ENTREP2: variants seen among roughly 807,000 people sequenced by gnomAD.
ENTREP2 encodes the protein protein ENTREP2.
the ENTREP2 span, among the ~76,000 whole-genome samples, chr15:29,660,379 C>A: frequency 3.3e-5 from 5 of 152,292 alleles, no homozygotes; most frequent in African/African-American, 1.2e-4. Flanking sequence ...TGCCCTTCTG[C>A]TGTCCATCCT....
chr15:29,402,815 T>A, the ENTREP2 span, among the ~76,000 whole-genome samples: 1 of 152,196 alleles, frequency 6.6e-6, no homozygotes, highest in East Asian at 1.9e-4. Flanking sequence ...ATTTTTCTGT[T>A]TCCCATGGTT....
the ENTREP2 span, among the ~76,000 whole-genome samples, chr15:29,159,254 T>TAAGGCGGCGTG: frequency 6.6e-6 from 1 of 151,884 alleles, no homozygotes; most frequent in African/African-American, 2.4e-5. Flanking sequence ...TTACAGCTCT[T>TAAGGCGGCGTG]AAGGCGGCGT....
chr15:29,178,204 G>T, the ENTREP2 span, among the ~76,000 whole-genome samples: 4 of 151,296 alleles, frequency 2.6e-5, no homozygotes, highest in African/African-American at 7.3e-5. Context: ...TGAGGCAGGA[G>T]GATGGCTGGA....
chr15:29,282,399 T>C, the ENTREP2 span, among the ~76,000 whole-genome samples: 1 of 152,184 alleles, frequency 6.6e-6, no homozygotes, highest in Admixed American at 6.5e-5. Flanking sequence ...TCTTTTTCTT[T>C]ATAAATTACC....
At chr15:29,589,120 G>T in the ENTREP2 span, among the ~76,000 whole-genome samples, 4 of 152,190 alleles carry the variant, frequency 2.6e-5, no homozygotes, top group African/African-American at 9.6e-5. Flanking sequence ...TACTTTGAAA[G>T]AGAAGGAAGA....
the ENTREP2 span, among the ~76,000 whole-genome samples, chr15:29,490,652 T>C: frequency 6.6e-6 from 1 of 152,218 alleles, no homozygotes; most frequent in Non-Finnish European, 1.5e-5. Context: ...GTAAAAGTTC[T>C]CCAAGTCCCC....
the ENTREP2 span, among the ~76,000 whole-genome samples, chr15:29,311,116 G>A: frequency 6.6e-6 from 1 of 152,096 alleles, no homozygotes; most frequent in African/African-American, 2.4e-5. Flanking sequence ...GCTTTGTGAT[G>A]AGAGACCTGT....
chr15:29,593,804 G>C, the ENTREP2 span, among the ~76,000 whole-genome samples: 117 of 152,320 alleles, frequency 7.7e-4, 1 homozygote, highest in East Asian at 0.018. Context: ...GGCTGTTATG[G>C]AAGGGTGTGG....
At chr15:29,269,478 G>C in the ENTREP2 span, 338 of 1,611,446 alleles carry the variant, frequency 2.1e-4, 1 homozygote, top group South Asian at 4.2e-4. Flanking sequence ...TGGGCCCCAC[G>C]GCGGGGGCGG....
the ENTREP2 span, among the ~76,000 whole-genome samples, chr15:29,486,423 G>A: frequency 1.3e-5 from 2 of 152,184 alleles, no homozygotes; most frequent in African/African-American, 4.8e-5. Flanking sequence ...GGGCACAGTG[G>A]CGCACGCCTG....
chr15:29,403,538 C>T, the ENTREP2 span, among the ~76,000 whole-genome samples: 3 of 152,154 alleles, frequency 2.0e-5, no homozygotes, highest in Non-Finnish European at 4.4e-5. Context: ...AATTCACAGA[C>T]TCACATCAAC....
chr15:29,123,712 A>C, the ENTREP2 span: 2 of 1,475,468 alleles, frequency 1.4e-6, no homozygotes, highest in Non-Finnish European at 1.8e-6. Context: ...AAGTTAACTC[A>C]AAAGCAAAGA....
At chr15:29,290,590 T>C in the ENTREP2 span, among the ~76,000 whole-genome samples, 2 of 152,234 alleles carry the variant, frequency 1.3e-5, no homozygotes, top group South Asian at 2.1e-4. Context: ...TTCACTGTTA[T>C]ATCCGTAGGA....
the ENTREP2 span, among the ~76,000 whole-genome samples, chr15:29,262,394 G>A: frequency 6.6e-6 from 1 of 152,196 alleles, no homozygotes; most frequent in Non-Finnish European, 1.5e-5. Flanking sequence ...TACACAGAGA[G>A]GCCAAGAAAA....
At chr15:29,484,578 C>T in the ENTREP2 span, among the ~76,000 whole-genome samples, 1 of 152,178 alleles carries the variant, frequency 6.6e-6, no homozygotes, top group Admixed American at 6.5e-5. Flanking sequence ...CGCACAGACT[C>T]TCACACACAT....
the ENTREP2 span, among the ~76,000 whole-genome samples, chr15:29,547,382 C>T: frequency 6.6e-6 from 1 of 152,074 alleles, no homozygotes; most frequent in Non-Finnish European, 1.5e-5. Flanking sequence ...GCCACCAGAC[C>T]TGGCCCACAT....
chr15:29,582,329 G>A, the ENTREP2 span, among the ~76,000 whole-genome samples: 1,379 of 151,990 alleles, frequency 9.1e-3, 26 homozygotes, highest in African/African-American at 0.032. Flanking sequence ...AATCATGGAC[G>A]GACTTACATG....
chr15:29,189,356 G>A, the ENTREP2 span, among the ~76,000 whole-genome samples: 1 of 152,070 alleles, frequency 6.6e-6, no homozygotes, highest in Non-Finnish European at 1.5e-5. Flanking sequence ...AATACATCTG[G>A]TGTCAGAAGT....
At chr15:29,583,469 A>G in the ENTREP2 span, among the ~76,000 whole-genome samples, 1 of 152,082 alleles carries the variant, frequency 6.6e-6, no homozygotes, top group Non-Finnish European at 1.5e-5. Flanking sequence ...AGGGCACAAC[A>G]CTTACTGGGG....
Sources: allele counts gnomAD v4.1 joint callset (sites outside exome capture counted in the v4.1 genomes callset), GRCh38; gene constraint gnomAD v4.1.1; transcripts MANE v1.5; gene names NCBI Gene and HGNC (gene_info 2026-07-23, HGNC 2026-07-21).